Variants in STUM observed in about 807,000 individuals in gnomAD.
The protein encoded by STUM is stum, mechanosensory transduction mediator homolog.
In STUM, 8 loss-of-function variants were observed where a neutral mutation model predicts 15.3. That is an observed-to-expected ratio of 0.52 (90% CI 0.31 to 0.94). The LOEUF (loss-of-function observed/expected upper bound fraction) is 0.94, where lower values mean the gene tolerates loss of function less well. Ranked by LOEUF, STUM falls within the 40% of genes least tolerant of loss-of-function variation. The pLI is 0.05. For synonymous variants in STUM, 78 were observed against 88.7 expected (o/e 0.88, Z 0.68); for missense variants, 142 against 204.9 (o/e 0.69, Z 1.87).
intron 1 of STUM, among the ~76,000 whole-genome samples, chr1:226,582,595 C>CA (rs11336086): frequency 0.014 from 2,021 of 140,136 alleles, 12 homozygotes; most frequent in Middle Eastern, 0.019. Flanking sequence ...CATGCCATCT[C>CA]AAAAAAAAAA....
intron 1 of STUM, among the ~76,000 whole-genome samples, chr1:226,553,373 A>G (rs532247199): frequency 6.6e-6 from 1 of 152,332 alleles, no homozygotes; most frequent in South Asian, 2.1e-4. Flanking sequence ...AACAGAAAGC[A>G]ATTAGTAATT....
chr1:226,574,476 C>T (rs1168936209), intron 1 of STUM, among the ~76,000 whole-genome samples: 2 of 152,196 alleles, frequency 1.3e-5, no homozygotes, highest in Non-Finnish European at 2.9e-5. Flanking sequence ...AGTTGAATGT[C>T]GTTGGCCCGG....
At chr1:226,583,637 C>A (rs1667951304) in intron 1 of STUM, among the ~76,000 whole-genome samples, 1 of 152,154 alleles carries the variant, frequency 6.6e-6, no homozygotes, top group Admixed American at 6.5e-5. Flanking sequence ...CTTCCTTTTT[C>A]TCTTTCCTCA....
chr1:226,577,091 G>A (rs375110618), intron 1 of STUM, among the ~76,000 whole-genome samples: 132 of 152,296 alleles, frequency 8.7e-4, no homozygotes, highest in African/African-American at 3.1e-3. Flanking sequence ...GGAAACCAAG[G>A]CACAGAAAGG....
chr1:226,554,366 G>A (rs779972802), intron 1 of STUM, among the ~76,000 whole-genome samples: 2 of 152,192 alleles, frequency 1.3e-5, no homozygotes, highest in Non-Finnish European at 2.9e-5. Flanking sequence ...GCAGATGGTA[G>A]GGTAGAGGCA....
intron 1 of STUM, among the ~76,000 whole-genome samples, chr1:226,571,259 A>G (rs1667706682): frequency 6.6e-6 from 1 of 152,170 alleles, no homozygotes; most frequent in African/African-American, 2.4e-5. Context: ...AAAACAAAAC[A>G]AAAACTATAG....
rs11336086 is a variant in STUM at position 226,582,595 on chromosome 1, CAA to C, written c.203-14193_203-14192del. Among the ~76,000 whole-genome samples, 566 of 140,008 alleles carry C rather than the reference CAA, an allele frequency of 4.0e-3. 6 individuals carry two copies. Among genetic ancestry groups the C allele is most frequent in the East Asian group, 0.033 (159 of 4,812 alleles). The allele number at this position is 140,008 out of a possible 152,430, so 91.9% of individuals were successfully genotyped here. On this transcript the variant is annotated intron_variant, in intron 1 of 3. Coordinates refer to ENST00000366788, the MANE Select transcript of STUM (RefSeq NM_001003665.4). ...GAGCAACAAGAGCAACATGCCATCT[CAA>C]AAAAAAAAAAAAAGACATCAGTATG...
At chr1:226,558,862 A>G (rs191003747) in intron 1 of STUM, among the ~76,000 whole-genome samples, 66 of 152,338 alleles carry the variant, frequency 4.3e-4, no homozygotes, top group Non-Finnish European at 7.3e-4. Flanking sequence ...AAGCCCCACA[A>G]TCTGGGGCAG....
In STUM at chr1:226,600,098, A is replaced by G. The variant is rs1019314823; in HGVS notation, c.383-568A>G. 1.3e-5 allele frequency among the ~76,000 whole-genome samples: 2 copies of G among 152,018 alleles called. No individual in the cohort carries two copies. The highest frequency in any genetic ancestry group is 2.4e-5 in the African/African-American group (1 of 41,386). On this transcript the variant is annotated intron_variant, in intron 2 of 3. Transcript: ENST00000366788. The surrounding 1 kb of genome is among the most constrained non-coding windows in gnomAD (Gnocchi z 5.2). ...AGCTGTCCAGGAGCTGCCACTCCTCATGTCCATCTGGAATTTATCTGGAGG... is the reference window on the plus strand; with the variant it reads ...AGCTGTCCAGGAGCTGCCACTCCTCGTGTCCATCTGGAATTTATCTGGAGG...
Position 226,567,011 on chromosome 1 carries a change from T to C in STUM, c.202+17905T>C, listed in dbSNP as rs1667635908. On this transcript the variant is annotated intron_variant, in intron 1 of 3. Transcript: ENST00000366788. The surrounding 1 kb of genome is among the most constrained non-coding windows in gnomAD (Gnocchi z 4.5). The stretch of plus-strand genomic sequence containing the variant: ...TGCTGCTTCCCGCAAATGCTGCAAA[T>C]AAGATTCCAAGAATCCATGTTAGGA... Among the ~76,000 whole-genome samples the C allele has an allele frequency of 6.6e-6, 1 of 152,168 alleles. No individual in the cohort carries two copies. The highest frequency in any genetic ancestry group is 1.5e-5 in the Non-Finnish European group (1 of 68,028).
intron 1 of STUM, among the ~76,000 whole-genome samples, chr1:226,588,792 T>A (rs1668040530): frequency 6.6e-6 from 1 of 152,264 alleles, no homozygotes; most frequent in Non-Finnish European, 1.5e-5. Context: ...TAGCTTATTC[T>A]GGCCTTGAAC....
intron 1 of STUM, among the ~76,000 whole-genome samples, chr1:226,576,739 C>T (rs183669820): frequency 6.6e-6 from 1 of 152,178 alleles, no homozygotes; most frequent in African/African-American, 2.4e-5. Flanking sequence ...CCACTCCCCC[C>T]TCCCAGGCCC....
rs188169804 is a variant in STUM at position 226,565,443 on chromosome 1, A to T, written c.202+16337A>T. Among the ~76,000 whole-genome samples, 1 of 152,036 alleles carries T rather than the reference A, an allele frequency of 6.6e-6. No homozygotes were observed. The highest frequency in any genetic ancestry group is 6.5e-5 in the Admixed American group (1 of 15,268). On this transcript the variant is annotated intron_variant, in intron 1 of 3. Coordinates refer to ENST00000366788, the MANE Select transcript of STUM (RefSeq NM_001003665.4). This position sits in a 1 kb window ranked among gnomAD's most constrained non-coding sequence, Gnocchi z 4.4. Reference sequence around the variant, plus strand: ...CCTGAACCACCAGCCTTGGCATACTACTGCTCCCCCACCGTCACTTCTCAT... The same window carrying T: ...CCTGAACCACCAGCCTTGGCATACTTCTGCTCCCCCACCGTCACTTCTCAT...
chr1:226,586,821 C>A (rs990152402), intron 1 of STUM, among the ~76,000 whole-genome samples: 8 of 152,136 alleles, frequency 5.3e-5, no homozygotes, highest in Non-Finnish European at 1.0e-4. Flanking sequence ...GACTGGCCAC[C>A]CTTAACACCG....
At chr1:226,580,534 A>G (rs1449391604) in intron 1 of STUM, among the ~76,000 whole-genome samples, 1 of 151,956 alleles carries the variant, frequency 6.6e-6, no homozygotes, top group Non-Finnish European at 1.5e-5. Context: ...TCATACCTTA[A>G]GTGTGCCCCA....
chr1:226,589,719 C>CCAGGAACAGCATGCA (rs1553311962), intron 1 of STUM, among the ~76,000 whole-genome samples: 7 of 151,276 alleles, frequency 4.6e-5, no homozygotes, highest in East Asian at 1.9e-4. Flanking sequence ...GCTGGGACCT[C>CCAGGAACAGCATGCA]CAGGAACAGC....
chr1:226,574,587 C>T (rs1667772707), intron 1 of STUM, among the ~76,000 whole-genome samples: 1 of 152,126 alleles, frequency 6.6e-6, no homozygotes, highest in Non-Finnish European at 1.5e-5. Context: ...GAATTGGGGG[C>T]CAAGGTCAGT....
At chr1:226,601,033 T>C (rs2102714588) in intron 3 of STUM, among the ~76,000 whole-genome samples, 1 of 152,298 alleles carries the variant, frequency 6.6e-6, no homozygotes, top group African/African-American at 2.4e-5. Flanking sequence ...AAAGCTCCTC[T>C]TCAGACTAAG....
chr1:226,597,537 C>T (rs774533681), intron 2 of STUM: 10 of 458,872 alleles, frequency 2.2e-5, no homozygotes, highest in African/African-American at 8.0e-5. Flanking sequence ...TAGCTGGGAT[C>T]GTCAGTGTCA....
Sources: allele counts gnomAD v4.1 joint callset (sites outside exome capture counted in the v4.1 genomes callset), GRCh38; gene constraint gnomAD v4.1.1; non-coding constraint Gnocchi (gnomAD v3.1); transcripts MANE v1.5; gene names NCBI Gene and HGNC (gene_info 2026-07-23, HGNC 2026-07-21).